Variants in MECR observed in about 807,000 individuals in gnomAD.
MECR encodes the protein enoyl-[acyl-carrier-protein] reductase, mitochondrial.
Under a neutral mutation model 49.1 loss-of-function variants are expected in MECR, and 37 were observed. The observed-to-expected ratio is 0.75, with a 90% CI of 0.58 to 0.99. The LOEUF is 0.99. Among genes scored for constraint, MECR ranks in the 50% least tolerant of loss-of-function variants. The pLI, the probability that MECR is intolerant of heterozygous loss-of-function variation, is 0.00. For missense variants in MECR, 470 were observed against 479.6 expected (o/e 0.98, Z 0.19); for synonymous variants, 198 against 191.1 (o/e 1.04, Z -0.30).
At chr1:29,184,035 C>G in the MECR span, among the ~76,000 whole-genome samples, 1 of 151,936 alleles carries the variant, frequency 6.6e-6, no homozygotes, top group Admixed American at 6.6e-5. Flanking sequence ...CCTGCCACCA[C>G]GCCCGGCTAA....
chr1:29,204,421 G>A (rs1407025551), intron 4 of MECR, among the ~76,000 whole-genome samples: 1 of 152,020 alleles, frequency 6.6e-6, no homozygotes, highest in Non-Finnish European at 1.5e-5. Context: ...TCACCCACCA[G>A]TGGATTATGA....
chr1:29,228,457 T>C (rs1027221949), intron 1 of MECR, among the ~76,000 whole-genome samples: 1 of 151,578 alleles, frequency 6.6e-6, no homozygotes, highest in African/African-American at 2.4e-5. Context: ...GTTCAGGCAA[T>C]TCTCCTGCCT....
intron 7 of MECR, among the ~76,000 whole-genome samples, chr1:29,198,364 AC>A (rs1190648661): frequency 6.6e-6 from 1 of 152,154 alleles, no homozygotes; most frequent in Non-Finnish European, 1.5e-5. Flanking sequence ...ATTGTTTTTC[AC>A]GTATTGCCTA....
chr1:29,196,155 T>A, intron 8 of MECR, 43 bp downstream of exon 8: 1 of 1,611,940 alleles, frequency 6.2e-7, no homozygotes, highest in Admixed American at 1.7e-5. Flanking sequence ...GGCTGAGGTG[T>A]CTGGCCCGGC....
intron 4 of MECR, among the ~76,000 whole-genome samples, chr1:29,204,061 G>T (rs1344035976): frequency 1.3e-5 from 2 of 152,196 alleles, no homozygotes; most frequent in Non-Finnish European, 2.9e-5. Context: ...GGCAAGTCAT[G>T]ACCTCTGTGA....
intron 7 of MECR, among the ~76,000 whole-genome samples, chr1:29,196,981 G>A (rs1674161690): frequency 6.6e-6 from 1 of 152,170 alleles, no homozygotes. Context: ...TTCCAGCCTA[G>A]GCAACACAGT....
At chr1:29,206,708 G>C in intron 4 of MECR, 54 bp downstream of exon 4, 2 of 1,600,068 alleles carry the variant, frequency 1.2e-6, no homozygotes, top group Non-Finnish European at 1.7e-6. Context: ...CAGGATGTGA[G>C]TGGCACCCTA....
At chr1:29,204,206 G>A (rs111332383) in intron 4 of MECR, among the ~76,000 whole-genome samples, 1,596 of 152,084 alleles carry the variant, frequency 0.01, 15 homozygotes, top group Middle Eastern at 0.037. Flanking sequence ...GTGACAGAGC[G>A]AGACTCCCTC....
chr1:29,222,669 T>C (rs1309284477), intron 1 of MECR, among the ~76,000 whole-genome samples: 6 of 152,204 alleles, frequency 3.9e-5, no homozygotes, highest in African/African-American at 9.6e-5. Context: ...CCAGCAGCTC[T>C]GCCATTTGAG....
At chr1:29,211,211 G>C (rs933511127) in intron 3 of MECR, among the ~76,000 whole-genome samples, 1 of 152,048 alleles carries the variant, frequency 6.6e-6, no homozygotes, top group Admixed American at 6.6e-5. Context: ...CCAGTGGCTG[G>C]GACTACAGGT....
chr1:29,211,861 G>C (rs1305337783), intron 3 of MECR, among the ~76,000 whole-genome samples: 1 of 152,196 alleles, frequency 6.6e-6, no homozygotes, highest in African/African-American at 2.4e-5. Flanking sequence ...GAAAAGGCTG[G>C]CTATGGGCTT....
At chr1:29,199,149 G>A (rs1318731648) in intron 7 of MECR, among the ~76,000 whole-genome samples, 1 of 152,214 alleles carries the variant, frequency 6.6e-6, no homozygotes, top group Non-Finnish European at 1.5e-5. Flanking sequence ...GCAAGTATGC[G>A]CTAGCTGAAT....
At chr1:29,169,107 G>A in the MECR span, 2 of 152,046 alleles carry the variant, frequency 1.3e-5, no homozygotes, top group African/African-American at 2.4e-5. Context: ...AAAGTTTTAC[G>A]ATGTATAAAG....
the MECR span, chr1:29,181,936 T>G: frequency 7.3e-5 from 30 of 411,946 alleles, no homozygotes; most frequent in Non-Finnish European, 1.0e-4. Flanking sequence ...CCCCCGCCCT[T>G]CCCCGAGGCG....
At chr1:29,178,353 C>CTTCTTTTTTT in the MECR span, among the ~76,000 whole-genome samples, 325 of 127,874 alleles carry the variant, frequency 2.5e-3, 26 homozygotes, top group African/African-American at 5.2e-3. Context: ...GTTTCAATTA[C>CTTCTTTTTTT]TTTTTTTTTT....
the MECR span, chr1:29,173,476 T>C: frequency 3.6e-4 from 50 of 137,404 alleles, no homozygotes; most frequent in African/African-American, 1.2e-3. Context: ...CTTTTTTTTT[T>C]TTTTTTTTGA....
rs112436480 is a variant in MECR at position 29,200,498 on chromosome 1, C to A, written c.830+18G>T. ...GGAGAGCTCTGGCGAGCTGGACCTG[C>A]AGGCCCAAGGGACTTACGCTAACTG... On this transcript the variant is annotated intron_variant, in intron 7 of 9. Transcript: ENST00000263702. 2,323 of 1,608,928 alleles carry A rather than the reference C, an allele frequency of 1.4e-3. 28 individuals are homozygous for A. The African/African-American group carries it at 0.026, about 18-fold the overall frequency.
In MECR at chr1:29,195,957, C is replaced by G. The variant is rs1673862397; in HGVS notation, c.948G>C (p.Lys316Asn). The G allele has an allele frequency of 6.2e-7, 1 of 1,614,116 alleles. No homozygotes were observed. The highest frequency in any genetic ancestry group is 1.7e-5 in the Admixed American group (1 of 60,006). The stretch of plus-strand genomic sequence containing the variant: ...TGCACTCACCTGGACTGTGATCCTT[C>G]TTCCACTGGGACAACCAAAAGCCTC... ...KLRGFWLSQWKKDHSPDQFKE... is the reference protein window; with the variant it reads ...KLRGFWLSQWNKDHSPDQFKE... The change falls in exon 9 of 10, where the codon AAG (lysine) becomes AAC (asparagine). Residue 316 changes from lysine to asparagine, a missense_variant. Transcript: ENST00000263702.
chr1:29,200,721 T>A (rs1478997517), intron 6 of MECR, 132 bp from the exon 7 acceptor site: 6 of 670,656 alleles, frequency 8.9e-6, no homozygotes, highest in Non-Finnish European at 8.1e-6. Flanking sequence ...CACGTACTTA[T>A]GTATATGTGT....
Sources: allele counts gnomAD v4.1 joint callset (sites outside exome capture counted in the v4.1 genomes callset), GRCh38; gene constraint gnomAD v4.1.1; transcripts MANE v1.5; gene names NCBI Gene and HGNC (gene_info 2026-07-23, HGNC 2026-07-21).